Variants in ABCA3 observed in about 807,000 individuals in gnomAD.
ABCA3 encodes the protein ATP binding cassette subfamily A member 3.
Under a neutral mutation model 172.8 loss-of-function variants are expected in ABCA3, and 88 were observed. That is an observed-to-expected ratio of 0.51 (90% CI 0.43 to 0.61). The LOEUF is 0.61. ABCA3 is among the 20% of genes least tolerant of loss of function. The probability of loss-of-function intolerance (pLI) is 0.00; values close to 1 mark genes in which losing one functional copy is unlikely to be tolerated. For synonymous variants in ABCA3, 1,066 were observed against 983.8 expected (o/e 1.08, Z -1.56); for missense variants, 2,164 against 2,301.0 (o/e 0.94, Z 1.22).
rs574285819 is a variant in ABCA3, at chr16:2,281,450, C to T, written c.4095G>A (p.Arg1365=). 1 of 1,613,666 alleles carries T rather than the reference C, an allele frequency of 6.2e-7. No individual in the cohort carries two copies. The highest frequency in any genetic ancestry group is 2.2e-5 in the East Asian group (1 of 44,882). Residue 1365 remains arginine (R), a synonymous_variant, in exon 27 of 33, where the codon AGG becomes AGA. Transcript: ENST00000301732. The surrounding 1 kb of genome is among the most constrained non-coding windows in gnomAD (Gnocchi z 4.7). The part of the protein sequence containing the change: ...LPEDQDVADE[R]TRILAPSPDS... The stretch of plus-strand genomic sequence containing the variant: ...CCGGACTGGGGGCCAGGATGCGGGT[C>T]CTCTCGTCCGCTACATCTTGGTCCT...
chr16:2,319,012 T>C (rs997842444), intron 8 of ABCA3, among the ~76,000 whole-genome samples: 5 of 151,986 alleles, frequency 3.3e-5, no homozygotes, highest in African/African-American at 1.2e-4. Flanking sequence ...CAATGCTGCA[T>C]AGTTTTATGA....
chr16:2,288,173 C>T lies in ABCA3; in HGVS notation c.2857G>A (p.Asp953Asn), dbSNP rs138092785. ...CCCAAGGTCAGCCTCAGCATGGGGT[C>T]GTCGAAGAGCTCCGAGGAGTAGTTG... ...AINYSSELFD[D>N]PMLRLTLGEY... Residue 953 changes from aspartate (D) to asparagine (N), a missense_variant, in exon 21 of 33, where the codon GAC becomes AAC. Physicochemically the swap from Asp to Asn is conservative, Grantham distance 23. Transcript: ENST00000301732. 1.2e-4 allele frequency: 192 copies of T among 1,607,806 alleles called. 1 individual carries two copies. The highest frequency in any genetic ancestry group is 1.6e-4 in the Middle Eastern group (1 of 6,074).
chr16:2,280,997 C>T (rs772765938), intron 28 of ABCA3, 30 bp downstream of exon 28: 1 of 1,613,650 alleles, frequency 6.2e-7, no homozygotes, highest in Admixed American at 1.7e-5. Context: ...GCCTGTCTCA[C>T]CCCTTCAGAG....
rs534278448 is a variant in ABCA3 at position 2,276,109 on chromosome 16, C to T, written c.*565G>A. 3.0e-6 allele frequency: 1 copy of T among 331,122 alleles called. No individual in the cohort carries two copies. The highest frequency in any genetic ancestry group is 2.2e-5 in the African/African-American group (1 of 45,816). The allele number at this position is 331,122 out of a possible 1,614,324, so 20.5% of individuals were successfully genotyped here. A position where few individuals can be genotyped will look rare whatever the true frequency, so the allele number is the denominator to read the frequency against. ...CCCGGCTTCGCGGTGACTACCATGC[C>T]CTAAGGAGCAGAGCCTCCAGGATGC... On this transcript the variant is annotated 3_prime_UTR_variant, in exon 33 of 33. Transcript: ENST00000301732.
intron 3 of ABCA3, 98 bp downstream of exon 3, chr16:2,328,355 C>T (rs956867177): frequency 5.2e-6 from 2 of 381,932 alleles, no homozygotes; most frequent in Admixed American, 6.1e-5. Context: ...CATAGCAAGA[C>T]CCTATCTCTA....
chr16:2,283,632 A>G lies in ABCA3; in HGVS notation c.3863-274T>C. 2 of 468,532 alleles carry G rather than the reference A, an allele frequency of 4.3e-6. No individual in the cohort carries two copies. The highest frequency in any genetic ancestry group is 3.4e-5 in the Admixed American group (1 of 29,386). The allele number at this position is 468,532 out of a possible 1,614,324, so 29.0% of individuals were successfully genotyped here. ...CCTGAGAGGCACAGGCTCTGCGTGA[A>G]TCCTGGGCTGCCTCCTGACCAGGAC... is the stretch of plus-strand genomic sequence containing the variant. On this transcript the variant is annotated intron_variant, in intron 25 of 32. Coordinates refer to ENST00000301732, the MANE Select transcript of ABCA3 (RefSeq NM_001089.3). This position sits in a 1 kb window ranked among gnomAD's most constrained non-coding sequence, Gnocchi z 5.4.
chr16:2,307,540 C>T (rs141615055), intron 11 of ABCA3, among the ~76,000 whole-genome samples: 7 of 151,854 alleles, frequency 4.6e-5, no homozygotes, highest in East Asian at 1.9e-4. Context: ...GGAAACAGAA[C>T]GAGACTCTTG....
chr16:2,321,619 C>G (rs2093726225), intron 7 of ABCA3, among the ~76,000 whole-genome samples: 2 of 152,044 alleles, frequency 1.3e-5, no homozygotes, highest in Admixed American at 1.3e-4. Context: ...AGTCCTGGGT[C>G]CGAGTCACTT....
intron 32 of ABCA3, 120 bp from the exon 33 acceptor site, chr16:2,276,925 G>A (rs1596825746): frequency 1.1e-5 from 16 of 1,422,636 alleles, no homozygotes; most frequent in East Asian, 9.5e-5. Flanking sequence ...CCTGCCCAGC[G>A]CCACCCCAGA....
intron 1 of ABCA3, among the ~76,000 whole-genome samples, chr16:2,334,271 T>C (rs936717097): frequency 1.3e-5 from 2 of 151,698 alleles, no homozygotes; most frequent in Non-Finnish European, 2.9e-5. Flanking sequence ...TCATTCCGAG[T>C]GGCAGTGCAG....
rs529738712 is a variant in ABCA3, at chr16:2,297,626, C to T, written c.2053-87G>A. ...TTGCGGTAGGCCCCATCGAGGGGTT[C>T]GCGGAGCCGGCTTGAGTCCTCCAAG... On this transcript the variant is annotated intron_variant, in intron 16 of 32. Coordinates refer to ENST00000301732, the MANE Select transcript of ABCA3 (RefSeq NM_001089.3). This position sits in a 1 kb window ranked among gnomAD's most constrained non-coding sequence, Gnocchi z 5.6. The T allele has an allele frequency of 6.9e-5, 109 of 1,590,972 alleles. No individual in the cohort carries two copies. The highest frequency in any genetic ancestry group is 5.1e-4 in the Admixed American group (30 of 58,916).
intron 1 of ABCA3, chr16:2,332,500 C>T (rs1334357662): frequency 9.7e-6 from 9 of 930,648 alleles, no homozygotes; most frequent in African/African-American, 1.7e-5. Context: ...GATGGACTGA[C>T]GGGTAGCATA....
At position 2,297,196 on chromosome 16, in the gene ABCA3, C is replaced by G. The variant is rs531422778; in HGVS notation, c.2263+133G>C. On this transcript the variant is annotated intron_variant, in intron 17 of 32. Transcript: ENST00000301732. This position sits in a 1 kb window ranked among gnomAD's most constrained non-coding sequence, Gnocchi z 5.6. ...CCCCTGCCTGGTTGGGCTCTCCACC[C>G]AGAGGCAACAGACAGGAAGTCTAGA... The G allele has an allele frequency of 2.0e-6, 2 of 995,776 alleles. No individual in the cohort carries two copies. The highest frequency in any genetic ancestry group is 3.0e-6 in the Non-Finnish European group (2 of 656,066). 61.7% of individuals were successfully genotyped at this position (995,776 alleles called of 1,614,324 possible).
At position 2,284,329 on chromosome 16, in the gene ABCA3, C is replaced by T. The variant is rs371099401; in HGVS notation, c.3812G>A (p.Arg1271Gln). 16 of 1,613,776 alleles carry T rather than the reference C, an allele frequency of 9.9e-6. No individual in the cohort carries two copies. The highest frequency in any genetic ancestry group is 2.7e-5 in the African/African-American group (2 of 74,908). The part of the protein sequence containing the change: ...VSSFYENYET[R>Q]RYCTSSEVAA... The stretch of plus-strand genomic sequence containing the variant: ...GACCTCGGAGGAGGTGCAGTACCTC[C>T]GCGTCTCGTAGTTCTCGTAGAAACT... Residue 1271 changes from arginine to glutamine, a missense_variant, in exon 25 of 33, where the codon CGG becomes CAG. Arg to Gln is a conservative substitution (Grantham distance 43, BLOSUM62 1). Coordinates refer to ENST00000301732, the MANE Select transcript of ABCA3 (RefSeq NM_001089.3). The surrounding 1 kb of genome is among the most constrained non-coding windows in gnomAD (Gnocchi z 5.9).
At chr16:2,310,612 G>T (rs323071) in intron 10 of ABCA3, among the ~76,000 whole-genome samples, 25,758 of 150,682 alleles carry the variant, frequency 0.17, 2,315 homozygotes, top group Non-Finnish European at 0.19. Flanking sequence ...TGCCTCCTGG[G>T]CTCAAGCGAT....
intron 3 of ABCA3, among the ~76,000 whole-genome samples, chr16:2,327,691 G>A (rs904117704): frequency 1.5e-4 from 23 of 152,170 alleles, no homozygotes; most frequent in East Asian, 9.7e-4. Flanking sequence ...TCAGAGCCTC[G>A]CAGCAAAAAG....
chr16:2,303,902 A>G, intron 12 of ABCA3, 67 bp downstream of exon 12: 1 of 1,569,120 alleles, frequency 6.4e-7, no homozygotes, highest in Non-Finnish European at 8.7e-7. Context: ...GGGGTCCCTG[A>G]GCAGGTACTG....
intron 12 of ABCA3, among the ~76,000 whole-genome samples, chr16:2,302,921 C>T (rs986520457): frequency 6.6e-6 from 1 of 151,894 alleles, no homozygotes; most frequent in Admixed American, 6.6e-5. Context: ...TCCCAAGTAG[C>T]TGGGATTAGA....
rs563972923 is a variant in ABCA3, at chr16:2,283,702, G to A, written c.3863-344C>T. The A allele has an allele frequency of 2.9e-4, 103 of 351,022 alleles. No individual in the cohort carries two copies. Among genetic ancestry groups the A allele is most frequent in the Non-Finnish European group, 3.9e-4 (72 of 185,528 alleles). The allele number at this position is 351,022 out of a possible 1,614,324, so 21.7% of individuals were successfully genotyped here. ...GAGGGGTGTGTGGGAGGCTGAGGAGGCCCCACAGGACAGGTCCAAGTTCTG... is the reference window on the plus strand; with the variant it reads ...GAGGGGTGTGTGGGAGGCTGAGGAGACCCCACAGGACAGGTCCAAGTTCTG... On this transcript the variant is annotated intron_variant, in intron 25 of 32. Transcript: ENST00000301732. This position sits in a 1 kb window ranked among gnomAD's most constrained non-coding sequence, Gnocchi z 5.4.
Sources: allele counts gnomAD v4.1 joint callset (sites outside exome capture counted in the v4.1 genomes callset), GRCh38; gene constraint gnomAD v4.1.1; non-coding constraint Gnocchi (gnomAD v3.1); transcripts MANE v1.5; gene names NCBI Gene and HGNC (gene_info 2026-07-23, HGNC 2026-07-21).